Variants in GNB1L observed in about 807,000 individuals in gnomAD.
The protein encoded by GNB1L is guanine nucleotide-binding protein subunit beta-like protein 1.
GNB1L carries 20 observed loss-of-function variants against 29.1 expected under a neutral mutation model. The ratio of observed to expected loss-of-function variants is 0.69; its 90% CI spans 0.48 to 1.00. The LOEUF is 1.00. Among genes scored for constraint, GNB1L ranks in the 50% least tolerant of loss-of-function variants. The pLI is 0.00. For missense variants in GNB1L, 421 were observed against 464.9 expected (o/e 0.91, Z 0.87); for synonymous variants, 193 against 206.5 (o/e 0.93, Z 0.56).
At chr22:19,821,084 G>A (rs1937574892) in intron 3 of GNB1L, 144 bp downstream of exon 3, 1 of 751,480 alleles carries the variant, frequency 1.3e-6, no homozygotes, top group African/African-American at 1.7e-5. Context: ...GTCTGCTGGT[G>A]GGTGCTGAAA....
At chr22:19,850,031 C>T (rs1410591080) in intron 2 of GNB1L, 1 of 985,820 alleles carries the variant, frequency 1.0e-6, no homozygotes, top group African/African-American at 1.7e-5. Flanking sequence ...TCACCTACAG[C>T]TCTCGGAAGT....
chr22:19,812,344 T>C lies in GNB1L; in HGVS notation c.358A>G (p.Ile120Val). The change falls in exon 5 of 8, where the codon ATC (isoleucine) becomes GTC (valine). Residue 120 changes from isoleucine to valine, a missense_variant. Coordinates refer to ENST00000329517, the MANE Select transcript of GNB1L (RefSeq NM_053004.3). ...LESVGFCRSSILAGGQPRWTL... is the reference protein window; with the variant it reads ...LESVGFCRSSVLAGGQPRWTL... ...CAGCGTGGCTGGCCCCCGGCCAGGATGCTGCTCCGGCAGAAGCCCACACTC... is the reference window on the plus strand; with the variant it reads ...CAGCGTGGCTGGCCCCCGGCCAGGACGCTGCTCCGGCAGAAGCCCACACTC... 1 of 1,613,116 alleles carries C rather than the reference T, an allele frequency of 6.2e-7. No homozygotes were observed. The highest frequency in any genetic ancestry group is 8.5e-7 in the Non-Finnish European group (1 of 1,179,960).
chr22:19,845,246 T>C (rs1937935775), intron 2 of GNB1L, among the ~76,000 whole-genome samples: 1 of 152,210 alleles, frequency 6.6e-6, no homozygotes, highest in African/African-American at 2.4e-5. Flanking sequence ...ATGCCAGCAA[T>C]GTGCTTGCCC....
At chr22:19,819,341 C>T (rs1031946449) in intron 4 of GNB1L, among the ~76,000 whole-genome samples, 1 of 152,236 alleles carries the variant, frequency 6.6e-6, no homozygotes, top group African/African-American at 2.4e-5. Context: ...GCGACAGCCA[C>T]AGGAGGCCAA....
At chr22:19,852,588 T>G (rs1938135134) in intron 2 of GNB1L, 1 of 298,612 alleles carries the variant, frequency 3.3e-6, no homozygotes, top group South Asian at 7.9e-5. Context: ...GGTACCCAAC[T>G]AGGAGCTTTG....
rs376203507 is a variant in GNB1L at position 19,853,189 on chromosome 22, CCA to C, written c.-21+1252_-21+1253del. ...ACCCCCACCCACAAACACCACCTTT[CCA>C]CAGTCCCCATCCCAGCCACAGCAGA... On this transcript the variant is annotated intron_variant, in intron 2 of 7. Transcript: ENST00000329517. Among the ~76,000 whole-genome samples, 677 of 152,206 alleles carry C rather than the reference CCA, an allele frequency of 4.4e-3. 8 individuals carry two copies. Among genetic ancestry groups the C allele is most frequent in the South Asian group, 0.043 (206 of 4,814 alleles).
chr22:19,844,090 C>T (rs1387346214), intron 2 of GNB1L, among the ~76,000 whole-genome samples: 1 of 152,202 alleles, frequency 6.6e-6, no homozygotes, highest in Non-Finnish European at 1.5e-5. Flanking sequence ...GACTCCTGGC[C>T]TGCAGTGAGC....
intron 2 of GNB1L, among the ~76,000 whole-genome samples, chr22:19,822,762 G>A (rs737861): frequency 0.12 from 18,943 of 152,258 alleles, 1,476 homozygotes; most frequent in Middle Eastern, 0.23. Flanking sequence ...TTCAGAAGGG[G>A]CTGGGTGGTA....
chr22:19,798,943 G>A (rs1436822666), intron 7 of GNB1L, among the ~76,000 whole-genome samples: 2 of 152,168 alleles, frequency 1.3e-5, no homozygotes, highest in Non-Finnish European at 2.9e-5. Context: ...TCCACGCCCT[G>A]CACAAGCCTC....
At chr22:19,804,749 C>T (rs1219327271) in intron 6 of GNB1L, among the ~76,000 whole-genome samples, 3 of 152,174 alleles carry the variant, frequency 2.0e-5, no homozygotes, top group Non-Finnish European at 4.4e-5. Context: ...GAATGCTTCA[C>T]GCTGGATCTC....
chr22:19,849,296 G>A (rs1047269723), intron 2 of GNB1L: 3 of 980,960 alleles, frequency 3.1e-6, no homozygotes, highest in Non-Finnish European at 2.4e-6. Flanking sequence ...TGAACCCAGA[G>A]CCTTTTCTAG....
chr22:19,806,460 T>C (rs1427940400), intron 6 of GNB1L, among the ~76,000 whole-genome samples, 199 bp downstream of exon 6: 2 of 152,212 alleles, frequency 1.3e-5, no homozygotes, highest in African/African-American at 4.8e-5. Flanking sequence ...AGGCCTCTCC[T>C]GGGGCACTGA....
In GNB1L at chr22:19,802,075, T is replaced by C; in HGVS notation, c.658A>G (p.Lys220Glu). ...GCGGAGCCTGAGATGCCCCTGGCCT[T>C]CTGGGAGTCAAAGTCAAGGTCCATG... ...PVMDLDFDSQ[K>E]ARGISGSAGK... is the part of the protein sequence containing the mutation. Residue 220 changes from lysine to glutamate, a missense_variant, in exon 7 of 8, where the codon AAG becomes GAG. Coordinates refer to ENST00000329517, the MANE Select transcript of GNB1L (RefSeq NM_053004.3). 6.2e-7 allele frequency: 1 copy of C among 1,613,390 alleles called. No individual in the cohort carries two copies. The highest frequency in any genetic ancestry group is 1.1e-5 in the South Asian group (1 of 91,038).
At chr22:19,850,802 C>T in intron 2 of GNB1L, 2 of 1,293,038 alleles carry the variant, frequency 1.5e-6, no homozygotes, top group South Asian at 6.1e-5. Flanking sequence ...GTGTGGAAGA[C>T]ACCAAGGGGG....
intron 2 of GNB1L, among the ~76,000 whole-genome samples, chr22:19,842,806 A>G (rs1937884897): frequency 6.6e-6 from 1 of 152,180 alleles, no homozygotes; most frequent in South Asian, 2.1e-4. Flanking sequence ...GGACTCTGCT[A>G]GTGTCACCTG....
rs1420183180 is a variant in GNB1L at position 19,786,019 on chromosome 22, C to G, written c.*2690G>C. ...TGCACTGCTCTTGGCCGGCTTGGAC[C>G]CCAGCACCGGTTCTGCTGCTCTCCC... On this transcript the variant is annotated 3_prime_UTR_variant, in exon 8 of 8. Transcript: ENST00000329517. 6.6e-6 allele frequency: 1 copy of G among 152,536 alleles called. No individual in the cohort carries two copies. Among genetic ancestry groups the G allele is most frequent in the South Asian group, 2.1e-4 (1 of 4,838 alleles). The allele number at this position is 152,536 out of a possible 1,614,324, so 9.4% of individuals were successfully genotyped here.
Position 19,820,738 on chromosome 22 carries a change from C to G in GNB1L, c.129-15G>C. On this transcript the variant is annotated splice_polypyrimidine_tract_variant and intron_variant, in intron 3 of 7. Coordinates refer to ENST00000329517, the MANE Select transcript of GNB1L (RefSeq NM_053004.3). The stretch of plus-strand genomic sequence containing the variant: ...CACTCTGAGACCTGTTTCAGACAAG[C>G]CGAGCAGGGTGTCAGGGGGCAGAAG... 1 of 1,603,032 alleles carries G rather than the reference C, an allele frequency of 6.2e-7. No individual in the cohort carries two copies. Among genetic ancestry groups the G allele is most frequent in the Non-Finnish European group, 8.5e-7 (1 of 1,171,560 alleles).
chr22:19,805,379 G>A (rs1235205173), intron 6 of GNB1L, among the ~76,000 whole-genome samples: 1 of 152,238 alleles, frequency 6.6e-6, no homozygotes, highest in African/African-American at 2.4e-5. Context: ...CCCACAAACT[G>A]CACAGGCCCA....
At chr22:19,802,895 T>C (rs767776604) in intron 6 of GNB1L, among the ~76,000 whole-genome samples, 5 of 152,190 alleles carry the variant, frequency 3.3e-5, no homozygotes, top group African/African-American at 7.2e-5. Flanking sequence ...TCTGGAATAA[T>C]TGCAGGAGGA....
Sources: gnomAD v4.1 joint callset for allele counts (sites outside exome capture counted in the v4.1 genomes callset) on GRCh38, gnomAD v4.1.1 for gene constraint, MANE v1.5 for transcripts, NCBI Gene and HGNC (gene_info 2026-07-23, HGNC 2026-07-21) for gene names.